TFEC: variants seen among roughly 807,000 people sequenced by gnomAD.
The protein encoded by TFEC is transcription factor EC, also known as class E basic helix-loop-helix protein 34.
In TFEC, 31 loss-of-function variants were observed where a neutral mutation model predicts 41.6. The ratio of observed to expected loss-of-function variants is 0.74; its 90% CI spans 0.56 to 1.01. The LOEUF (loss-of-function observed/expected upper bound fraction) is 1.01, where lower values mean the gene tolerates loss of function less well. Among genes scored for constraint, TFEC ranks in the 50% least tolerant of loss-of-function variants. The pLI is 0.00. For synonymous variants in TFEC, 143 were observed against 140.6 expected (o/e 1.02, Z -0.12); for missense variants, 402 against 404.1 (o/e 0.99, Z 0.04).
intron 4 of TFEC, among the ~76,000 whole-genome samples, chr7:115,955,307 CTTG>C (rs1238500215): frequency 1.3e-5 from 2 of 152,046 alleles, no homozygotes; most frequent in African/African-American, 2.4e-5. Context: ...AAGCCACTAG[CTTG>C]TTGTGGAAAT....
chr7:116,092,919 C>G (rs1158670219), intron 3 of TFEC, among the ~76,000 whole-genome samples: 3 of 152,076 alleles, frequency 2.0e-5, no homozygotes, highest in South Asian at 2.1e-4. Flanking sequence ...TCCATAGGCT[C>G]TACAACAAAA....
chr7:115,984,338 C>T lies in TFEC; in HGVS notation c.104G>A (p.Ser35Asn), dbSNP rs377059532. The T allele has an allele frequency of 1.0e-3, 1,623 of 1,614,130 alleles. 41 individuals are homozygous for T. In the South Asian group the frequency reaches 0.017, roughly 16 times the overall value. The change falls in exon 2 of 8, where the codon AGT becomes AAT. Residue 35 changes from serine to asparagine, a missense_variant. By Grantham distance (46) the Ser-to-Asn change is conservative (BLOSUM62 1). Transcript: ENST00000265440. Reference sequence around the variant, plus strand: ...TGGGTTTTCTGTGAGGCCAGCATCACTGTCCAGAGTTGTGTGTGCATGCTG... The same window carrying T: ...TGGGTTTTCTGTGAGGCCAGCATCATTGTCCAGAGTTGTGTGTGCATGCTG... ...LVQHAHTTLD[S>N]DAGLTENPLT...
chr7:115,946,899 A>G (rs1791610646), intron 6 of TFEC, among the ~76,000 whole-genome samples: 1 of 151,248 alleles, frequency 6.6e-6, no homozygotes, highest in East Asian at 2.0e-4. Flanking sequence ...GTATTTGGAG[A>G]AAAAAGTTCT....
chr7:116,059,045 T>A (rs151281665), intron 3 of TFEC, among the ~76,000 whole-genome samples: 2 of 151,550 alleles, frequency 1.3e-5, no homozygotes, highest in Non-Finnish European at 3.0e-5. Context: ...AGAAGGAAAA[T>A]TAATGAAATA....
intron 6 of TFEC, among the ~76,000 whole-genome samples, chr7:115,945,757 C>G (rs1791501672): frequency 6.6e-6 from 1 of 151,722 alleles, no homozygotes; most frequent in African/African-American, 2.4e-5. Flanking sequence ...ATGCAGTTTT[C>G]CCAATTCTGG....
rs756627498 is a variant in TFEC, at chr7:115,974,248, G to T, written c.189C>A (p.Asp63Glu). 6.3e-7 allele frequency: 1 copy of T among 1,586,228 alleles called. No homozygotes were observed. Among genetic ancestry groups the T allele is most frequent in the Non-Finnish European group, 8.6e-7 (1 of 1,167,914 alleles). The change falls in exon 3 of 8, where the codon GAC (aspartate) becomes GAA (glutamate). Residue 63 changes from aspartate to glutamate, a missense_variant. By Grantham distance (45) the Asp-to-Glu change is conservative. Transcript: ENST00000265440. ...EDDNAQWHME[D>E]VIEDIIGMES... The stretch of plus-strand genomic sequence containing the variant: ...CCATACCGATTATATCCTCAATAAC[G>T]TCCTCCATCTAGCAAAATATAATAC...
upstream of TFEC, among the ~76,000 whole-genome samples, chr7:116,034,049 C>G (rs1795850572): frequency 6.6e-6 from 1 of 152,156 alleles, no homozygotes; most frequent in Admixed American, 6.6e-5. Flanking sequence ...CTTTCCCTAT[C>G]AGCAGTGAAT....
At chr7:116,099,392 C>T (rs1229011219) in intron 3 of TFEC, among the ~76,000 whole-genome samples, 4 of 152,124 alleles carry the variant, frequency 2.6e-5, no homozygotes, top group Non-Finnish European at 4.4e-5. Context: ...AGTTAGGGTA[C>T]CCAATGAATC....
At chr7:116,103,590 T>A (rs1797650972) in intron 3 of TFEC, among the ~76,000 whole-genome samples, 1 of 152,174 alleles carries the variant, frequency 6.6e-6, no homozygotes, top group Admixed American at 6.5e-5. Flanking sequence ...TAATGTGGAA[T>A]AGAAATTATA....
chr7:116,014,830 A>C (rs1795130098), intron 1 of TFEC, among the ~76,000 whole-genome samples: 1 of 152,118 alleles, frequency 6.6e-6, no homozygotes, highest in South Asian at 2.1e-4. Context: ...CTGTGGAAGT[A>C]GGTATCAGAG....
chr7:115,946,396 C>CGTGTGTGT (rs3028673), intron 6 of TFEC, among the ~76,000 whole-genome samples: 1,404 of 123,086 alleles, frequency 0.011, 21 homozygotes, highest in Admixed American at 0.029. Context: ...AGAAACATAA[C>CGTGTGTGT]GTGTGTGTGT....
At chr7:115,982,830 G>A (rs1793687522) in intron 2 of TFEC, among the ~76,000 whole-genome samples, 1 of 152,090 alleles carries the variant, frequency 6.6e-6, no homozygotes, top group Non-Finnish European at 1.5e-5. Flanking sequence ...GCAAAGGTAA[G>A]ATGTGTGCTT....
At chr7:115,949,709 T>C (rs1791824755) in intron 6 of TFEC, among the ~76,000 whole-genome samples, 2 of 152,006 alleles carry the variant, frequency 1.3e-5, no homozygotes, top group South Asian at 4.2e-4. Flanking sequence ...TCAAGATGGA[T>C]TAAAGACTTA....
chr7:116,047,355 C>A (rs1439201914), intron 3 of TFEC, among the ~76,000 whole-genome samples: 1 of 152,160 alleles, frequency 6.6e-6, no homozygotes, highest in South Asian at 2.1e-4. Flanking sequence ...GAGATTATAT[C>A]CTGCACCTGG....
chr7:115,994,964 T>C (rs1794294942), intron 1 of TFEC, among the ~76,000 whole-genome samples: 1 of 152,022 alleles, frequency 6.6e-6, no homozygotes, highest in Non-Finnish European at 1.5e-5. Flanking sequence ...CCATCAATGA[T>C]AGACTGGATT....
intron 3 of TFEC, among the ~76,000 whole-genome samples, chr7:115,959,055 T>C (rs1792390653): frequency 6.6e-6 from 1 of 151,854 alleles, no homozygotes; most frequent in African/African-American, 2.4e-5. Flanking sequence ...GTCCAAGTTT[T>C]AACTTAATTT....
At chr7:116,043,351 C>A (rs1422337676) in intron 3 of TFEC, among the ~76,000 whole-genome samples, 1 of 151,902 alleles carries the variant, frequency 6.6e-6, no homozygotes, top group Admixed American at 6.6e-5. Flanking sequence ...AGATGCCTCA[C>A]ACTCTACAAA....
At chr7:116,067,722 T>A (rs1201034114) in intron 3 of TFEC, among the ~76,000 whole-genome samples, 4 of 152,052 alleles carry the variant, frequency 2.6e-5, no homozygotes, top group Non-Finnish European at 2.9e-5. Flanking sequence ...AACTCAATTT[T>A]ACTTAATTCA....
intron 3 of TFEC, among the ~76,000 whole-genome samples, chr7:115,970,663 T>A (rs1235980132): frequency 6.6e-6 from 1 of 151,928 alleles, no homozygotes; most frequent in African/African-American, 2.4e-5. Flanking sequence ...TTGGAAGGGA[T>A]CCCAGACACA....
Sources: allele counts gnomAD v4.1 joint callset (sites outside exome capture counted in the v4.1 genomes callset), GRCh38; gene constraint gnomAD v4.1.1; transcripts MANE v1.5; gene names NCBI Gene and HGNC (gene_info 2026-07-23, HGNC 2026-07-21).